FRMD4A: variants seen among roughly 807,000 people sequenced by gnomAD.
FRMD4A encodes the protein FERM domain-containing protein 4A.
In FRMD4A, 29 loss-of-function variants were observed where a neutral mutation model predicts 129.1. The ratio of observed to expected loss-of-function variants is 0.22; its 90% CI spans 0.17 to 0.31. The LOEUF is 0.31. FRMD4A is among the 10% of genes least tolerant of loss of function. The pLI is 1.00. For synonymous variants in FRMD4A, 634 were observed against 571.6 expected, an observed-to-expected ratio of 1.11 and a Z score of -1.56; for missense variants, 1,272 against 1,375.8, an observed-to-expected ratio of 0.92 and a Z score of 1.19.
Position 14,110,125 on chromosome 10 carries a change from T to TTAAAAAAAAAAAAAAAA in FRMD4A, c.45+219932_45+219933insTTTTTTTTTTTTTTTTA, listed in dbSNP as rs372420987. Reference sequence around the variant, plus strand: ...GGCTGGGCAACAAAGCGAGATGCTGTAAAAAAAAAAAAAAAAAAAAAAGCT... The same window carrying TTAAAAAAAAAAAAAAAA: ...GGCTGGGCAACAAAGCGAGATGCTGTTAAAAAAAAAAAAAAAAAAAAAAAAAAAAAAAAAAAAAAGCT... On this transcript the variant is annotated intron_variant, in intron 2 of 24. Transcript: ENST00000357447. Among the ~76,000 whole-genome samples the TTAAAAAAAAAAAAAAAA allele has an allele frequency of 1.1e-3, 95 of 89,542 alleles. 19 individuals are homozygous for TTAAAAAAAAAAAAAAAA. The highest frequency in any genetic ancestry group is 8.6e-3 in the Middle Eastern group (1 of 116). The allele number at this position is 89,542 out of a possible 152,430, so 58.7% of individuals were successfully genotyped here.
intron 2 of FRMD4A, among the ~76,000 whole-genome samples, chr10:14,039,393 TCCATCC>T (rs1833667708): frequency 6.8e-6 from 1 of 147,684 alleles, no homozygotes; most frequent in African/African-American, 2.6e-5. Flanking sequence ...CATCCATCCA[TCCATCC>T]ATCCATCCAT....
At position 13,884,146 on chromosome 10, in the gene FRMD4A, T is replaced by TCACTCACACA. The variant is rs2094581688; in HGVS notation, c.46-25235_46-25234insTGTGTGAGTG. Among the ~76,000 whole-genome samples, 33 of 99,348 alleles carry TCACTCACACA rather than the reference T, an allele frequency of 3.3e-4. 1 individual carries two copies. The highest frequency in any genetic ancestry group is 1.3e-3 in the African/African-American group (31 of 23,932). 65.2% of individuals were successfully genotyped at this position (99,348 alleles called of 152,430 possible). A position where few individuals can be genotyped will look rare whatever the true frequency, so the allele number is the denominator to read the frequency against. ...CTCACACACACGCTCACACACACTC[T>TCACTCACACA]CACACACTCTCACACACACACTCAC... On this transcript the variant is annotated intron_variant, in intron 2 of 24. Coordinates refer to ENST00000357447, the MANE Select transcript of FRMD4A (RefSeq NM_018027.5).
At chr10:14,246,462 C>T (rs1844242119) in intron 2 of FRMD4A, among the ~76,000 whole-genome samples, 1 of 152,120 alleles carries the variant, frequency 6.6e-6, no homozygotes, top group Non-Finnish European at 1.5e-5. Flanking sequence ...TATATACAGG[C>T]ACACACAAAC....
At position 14,260,450 on chromosome 10, in the gene FRMD4A, C is replaced by G. The variant is rs78790544; in HGVS notation, c.45+69608G>C. Among the ~76,000 whole-genome samples, 1,432 of 152,244 alleles carry G rather than the reference C, an allele frequency of 9.4e-3. 25 individuals carry two copies. Among genetic ancestry groups the G allele is most frequent in the African/African-American group, 0.033 (1,372 of 41,546 alleles). On this transcript the variant is annotated intron_variant, in intron 2 of 24. Transcript: ENST00000357447. The stretch of plus-strand genomic sequence containing the variant: ...ATGATGCAGAGAAGGCATGAAATGT[C>G]CTCTCGGGCTCAGGGTTCACACACA...
At chr10:13,878,297 G>A (rs1422304893) in intron 2 of FRMD4A, among the ~76,000 whole-genome samples, 3 of 149,892 alleles carry the variant, frequency 2.0e-5, no homozygotes, top group Non-Finnish European at 4.4e-5. Flanking sequence ...GAAGGAGAGA[G>A]ATGTTTTTGC....
At chr10:13,707,603 G>C (rs1010479194) in intron 12 of FRMD4A, 2 of 988,386 alleles carry the variant, frequency 2.0e-6, no homozygotes, top group African/African-American at 1.7e-5. Context: ...ATGGGAAGGC[G>C]TTCAAATTCC....
intron 2 of FRMD4A, among the ~76,000 whole-genome samples, chr10:13,903,168 C>A (rs906006643): frequency 1.3e-5 from 2 of 152,084 alleles, no homozygotes; most frequent in African/African-American, 4.8e-5. Flanking sequence ...CTCAGATGTA[C>A]CCTTATTAGT....
intron 12 of FRMD4A, chr10:13,707,834 G>A (rs1665489841): frequency 8.1e-6 from 8 of 985,322 alleles, no homozygotes; most frequent in South Asian, 9.4e-5. Flanking sequence ...CAGGGAGGGT[G>A]AGAAGTGGAA....
chr10:13,654,977 G>C (rs1443814113), intron 22 of FRMD4A: 3 of 164,552 alleles, frequency 1.8e-5, no homozygotes, highest in African/African-American at 7.2e-5. Flanking sequence ...CCATTGTGAA[G>C]AGAGGGCATC....
chr10:13,944,177 G>T (rs1456708075), intron 2 of FRMD4A, among the ~76,000 whole-genome samples: 1 of 152,168 alleles, frequency 6.6e-6, no homozygotes, highest in Non-Finnish European at 1.5e-5. Context: ...GAGGCGAGCC[G>T]TGAGAGAGTG....
At chr10:14,037,688 G>T (rs1833565913) in intron 2 of FRMD4A, among the ~76,000 whole-genome samples, 1 of 152,092 alleles carries the variant, frequency 6.6e-6, no homozygotes, top group Non-Finnish European at 1.5e-5. Context: ...TGTCAATTTT[G>T]CTCCCCATGG....
chr10:14,135,097 T>A (rs1270936139), intron 2 of FRMD4A, among the ~76,000 whole-genome samples: 2 of 152,242 alleles, frequency 1.3e-5, no homozygotes, highest in African/African-American at 4.8e-5. Context: ...AAACAAGCAT[T>A]CTGTCCATCA....
intron 2 of FRMD4A, among the ~76,000 whole-genome samples, chr10:14,052,324 C>T (rs1834299470): frequency 6.6e-6 from 1 of 152,232 alleles, no homozygotes; most frequent in Non-Finnish European, 1.5e-5. Context: ...AGCTCATACA[C>T]ACAGCTGTAT....
At chr10:13,793,442 C>T (rs2093047616) in intron 5 of FRMD4A, among the ~76,000 whole-genome samples, 1 of 152,116 alleles carries the variant, frequency 6.6e-6, no homozygotes, top group African/African-American at 2.4e-5. Flanking sequence ...AAAGTACAGG[C>T]ATGAACCACC....
intron 17 of FRMD4A, among the ~76,000 whole-genome samples, chr10:13,668,671 G>C (rs941748687): frequency 2.6e-5 from 4 of 152,214 alleles, no homozygotes; most frequent in African/African-American, 9.6e-5. Flanking sequence ...TGAGATGCGT[G>C]AAAGGTGTGG....
chr10:13,972,078 A>C, intron 2 of FRMD4A: 1 of 1,129,662 alleles, frequency 8.9e-7, no homozygotes, highest in Non-Finnish European at 1.1e-6. Flanking sequence ...ACCAGGGACA[A>C]GGTAAAAATA....
chr10:14,176,112 A>G (rs909201011), intron 2 of FRMD4A, among the ~76,000 whole-genome samples: 2 of 152,210 alleles, frequency 1.3e-5, no homozygotes, highest in African/African-American at 4.8e-5. Flanking sequence ...GTCATTCAAC[A>G]AATAGTTGTA....
chr10:13,827,290 G>T (rs1204283769), intron 3 of FRMD4A, among the ~76,000 whole-genome samples: 1 of 152,156 alleles, frequency 6.6e-6, no homozygotes, highest in Non-Finnish European at 1.5e-5. Flanking sequence ...CAGAAATGTG[G>T]CTGGCATGAA....
intron 11 of FRMD4A, among the ~76,000 whole-genome samples, chr10:13,738,677 T>C (rs989595362): frequency 6.6e-6 from 1 of 152,026 alleles, no homozygotes; most frequent in African/African-American, 2.4e-5. Flanking sequence ...CTGGAGTGCA[T>C]TGGCACAATC....
Sources: allele counts gnomAD v4.1 joint callset (sites outside exome capture counted in the v4.1 genomes callset), GRCh38; gene constraint gnomAD v4.1.1; transcripts MANE v1.5; gene names NCBI Gene and HGNC (gene_info 2026-07-23, HGNC 2026-07-21).